The following DNMT3B variants were observed in gnomAD, a reference collection of about 807,000 sequenced individuals.
DNMT3B encodes DNA (cytosine-5)-methyltransferase 3B.
DNMT3B carries 37 observed loss-of-function variants against 120.2 expected under a neutral mutation model. The observed-to-expected ratio is 0.31, with a 90% CI of 0.24 to 0.40. DNMT3B has a LOEUF of 0.40. Ranked by LOEUF, DNMT3B falls within the 10% of genes least tolerant of loss-of-function variation. The pLI, the probability that DNMT3B is intolerant of heterozygous loss-of-function variation, is 1.00. For missense variants in DNMT3B, 878 were observed against 1,137.3 expected (o/e 0.77, Z 3.28); for synonymous variants, 412 against 442.8 (o/e 0.93, Z 0.87).
chr20:32,784,933 T>C (rs1223894204), intron 4 of DNMT3B, 74 bp downstream of exon 4: 1 of 1,403,932 alleles, frequency 7.1e-7, no homozygotes, highest in African/African-American at 1.4e-5. Flanking sequence ...GCTACATACA[T>C]AGCATAGCTC....
chr20:32,777,652 C>G (rs1461124598), intron 1 of DNMT3B, among the ~76,000 whole-genome samples: 2 of 152,162 alleles, frequency 1.3e-5, no homozygotes, highest in African/African-American at 2.4e-5. Flanking sequence ...CCACTCTATG[C>G]CAGGCCCACT....
rs377138079 is a variant in DNMT3B, at chr20:32,781,344, C to T, written c.143-9C>T. The T allele has an allele frequency of 1.2e-6, 2 of 1,614,184 alleles. No homozygotes were observed. Among genetic ancestry groups the T allele is most frequent in the Admixed American group, 1.7e-5 (1 of 60,030 alleles). On this transcript the variant is annotated splice_polypyrimidine_tract_variant and intron_variant, in intron 2 of 22. Coordinates refer to ENST00000328111, the MANE Select transcript of DNMT3B (RefSeq NM_006892.4). ...CCACAAAACAGACTCCTGGCTGTTT[C>T]CTCTACAGGCCGAAGATCAAGCTCG...
chr20:32,782,174 T>A (rs1255162942), intron 3 of DNMT3B, among the ~76,000 whole-genome samples: 1 of 152,134 alleles, frequency 6.6e-6, no homozygotes, highest in African/African-American at 2.4e-5. Flanking sequence ...CCATGTTGTG[T>A]GATAAGTGTG....
At chr20:32,806,421 C>T (rs550132396) in intron 22 of DNMT3B, 94 bp downstream of exon 22, 15 of 1,169,856 alleles carry the variant, frequency 1.3e-5, no homozygotes, top group Admixed American at 1.7e-5. Context: ...TTGATGGCCT[C>T]ACTGCCCTTT....
In DNMT3B at chr20:32,796,768, C is replaced by T. The variant is rs775193803; in HGVS notation, c.1298-22C>T. 5.0e-6 allele frequency: 8 copies of T among 1,614,056 alleles called. No homozygotes were observed. In the African/African-American group the frequency reaches 1.1e-4, roughly 22 times the overall value. Reference sequence around the variant, plus strand: ...TGTCAGGGCCTCAACTGCCAAAAGCCACAACCCTGTTTTTCTTACAGATGG... The same window carrying T: ...TGTCAGGGCCTCAACTGCCAAAAGCTACAACCCTGTTTTTCTTACAGATGG... On this transcript the variant is annotated intron_variant, in intron 12 of 22. Transcript: ENST00000328111.
At chr20:32,794,523 C>T (rs1462785661) in intron 10 of DNMT3B, among the ~76,000 whole-genome samples, 3 of 151,872 alleles carry the variant, frequency 2.0e-5, no homozygotes, top group Admixed American at 6.6e-5. Context: ...TACTAAAATA[C>T]AAAAATTAGC....
intron 15 of DNMT3B, among the ~76,000 whole-genome samples, chr20:32,798,999 T>C (rs1980996841): frequency 6.6e-6 from 1 of 152,218 alleles, no homozygotes; most frequent in Non-Finnish European, 1.5e-5. Context: ...GTGATACCTT[T>C]TCATGTGTGC....
intron 1 of DNMT3B, among the ~76,000 whole-genome samples, chr20:32,766,959 C>T (rs1987404221): frequency 6.6e-6 from 1 of 151,722 alleles, no homozygotes; most frequent in African/African-American, 2.4e-5. Flanking sequence ...GGCGTGGTCT[C>T]GGCTCACTGC....
chr20:32,773,414 G>A (rs1987866504), intron 1 of DNMT3B, among the ~76,000 whole-genome samples: 1 of 152,172 alleles, frequency 6.6e-6, no homozygotes, highest in African/African-American at 2.4e-5. Context: ...ATTGTGGAGG[G>A]TGATGGGGTG....
chr20:32,765,984 C>T (rs6058875), intron 1 of DNMT3B, among the ~76,000 whole-genome samples: 1 of 150,976 alleles, frequency 6.6e-6, no homozygotes, highest in Non-Finnish European at 1.5e-5. Flanking sequence ...GTCTCAATCT[C>T]CTGACCTCCT....
At chr20:32,785,719 A>C (rs1038481856) in intron 4 of DNMT3B, among the ~76,000 whole-genome samples, 1 of 152,214 alleles carries the variant, frequency 6.6e-6, no homozygotes, top group Admixed American at 6.5e-5. Flanking sequence ...AGGTTCTGCA[A>C]CAACCAAATT....
chr20:32,775,294 A>AC (rs1345026392), intron 1 of DNMT3B, among the ~76,000 whole-genome samples: 1 of 152,110 alleles, frequency 6.6e-6, no homozygotes, highest in East Asian at 1.9e-4. Context: ...TACCAAAGTG[A>AC]CCCCCCTTCC....
At chr20:32,766,969 C>A (rs908855857) in intron 1 of DNMT3B, among the ~76,000 whole-genome samples, 1 of 152,112 alleles carries the variant, frequency 6.6e-6, no homozygotes, top group Non-Finnish European at 1.5e-5. Context: ...CGGCTCACTG[C>A]AACCTTTGCT....
At chr20:32,768,327 G>A (rs1050099850) in intron 1 of DNMT3B, among the ~76,000 whole-genome samples, 7 of 150,442 alleles carry the variant, frequency 4.7e-5, no homozygotes, top group Non-Finnish European at 8.8e-5. Flanking sequence ...CGAGTAGCTG[G>A]GATTACAGGC....
At chr20:32,794,712 G>A (rs541642504) in intron 10 of DNMT3B, among the ~76,000 whole-genome samples, 7 of 152,212 alleles carry the variant, frequency 4.6e-5, no homozygotes, top group African/African-American at 1.4e-4. Flanking sequence ...CAAGATGTTA[G>A]CATTTTAATA....
At position 32,801,303 on chromosome 20, in the gene DNMT3B, A is replaced by T; in HGVS notation, c.2022A>T (p.Glu674Asp). Residue 674 changes from glutamate to aspartate, a missense_variant, in exon 19 of 23, where the codon GAA becomes GAT. Coordinates refer to ENST00000328111, the MANE Select transcript of DNMT3B (RefSeq NM_006892.4). ...LYEGTGRLFF[E>D]FYHLLNYSRP... ...AGGGTACAGGCCGGCTCTTCTTCGA[A>T]TTTTACCACCTGCTGAATTACTCAC... 6.2e-7 allele frequency: 1 copy of T among 1,614,052 alleles called. No homozygotes were observed. The highest frequency in any genetic ancestry group is 8.5e-7 in the Non-Finnish European group (1 of 1,180,012).
chr20:32,806,059 C>T, intron 21 of DNMT3B, 150 bp from the exon 22 acceptor site: 1 of 782,848 alleles, frequency 1.3e-6, no homozygotes, highest in African/African-American at 1.7e-5. Context: ...CCTCTCCCTT[C>T]CATCTTTCCC....
intron 14 of DNMT3B, 125 bp downstream of exon 14, chr20:32,797,424 G>A (rs970282079): frequency 3.4e-6 from 3 of 880,910 alleles, no homozygotes; most frequent in Non-Finnish European, 5.2e-6. Flanking sequence ...AATTTGCCCT[G>A]GAAGCAGCAC....
At chr20:32,800,733 G>T (rs1981230472) in intron 17 of DNMT3B, 102 bp from the exon 18 acceptor site, 2 of 1,315,904 alleles carry the variant, frequency 1.5e-6, no homozygotes, top group South Asian at 2.4e-5. Flanking sequence ...GGGATTACAG[G>T]TGTGAGCCAC....
Sources: gnomAD v4.1 joint callset for allele counts (sites outside exome capture counted in the v4.1 genomes callset) on GRCh38, gnomAD v4.1.1 for gene constraint, MANE v1.5 for transcripts, NCBI Gene and HGNC (gene_info 2026-07-23, HGNC 2026-07-21) for gene names.